Variants in FGGY observed in about 807,000 individuals in gnomAD.
FGGY encodes FGGY carbohydrate kinase domain-containing protein.
In FGGY, 72 loss-of-function variants were observed where a neutral mutation model predicts 71.3. The ratio of observed to expected loss-of-function variants is 1.01; its 90% CI spans 0.84 to 1.23. The LOEUF (loss-of-function observed/expected upper bound fraction) is 1.23. FGGY is among the 50% of genes most tolerant of loss of function. The probability of loss-of-function intolerance (pLI) is 0.00; values close to 1 mark genes in which losing one functional copy is unlikely to be tolerated. For synonymous variants in FGGY, 251 were observed against 250.3 expected, an observed-to-expected ratio of 1.00 and a Z score of -0.02; for missense variants, 668 against 682.3, an observed-to-expected ratio of 0.98 and a Z score of 0.23.
chr1:59,344,537 A>G (rs1467291425), intron 3 of FGGY, among the ~76,000 whole-genome samples: 3 of 152,106 alleles, frequency 2.0e-5, no homozygotes, highest in Admixed American at 2.0e-4. Context: ...TGCTTTTACT[A>G]CATATGTGTA....
At chr1:59,321,301 C>T (rs111837909) in intron 1 of FGGY, among the ~76,000 whole-genome samples, 1 of 152,222 alleles carries the variant, frequency 6.6e-6, no homozygotes, top group Admixed American at 6.5e-5. Context: ...AATCCTGACT[C>T]TCTCTCAAGA....
intron 8 of FGGY, among the ~76,000 whole-genome samples, chr1:59,604,724 G>A (rs986333318): frequency 3.9e-5 from 6 of 152,168 alleles, no homozygotes; most frequent in African/African-American, 1.4e-4. Flanking sequence ...GGTCATCCAT[G>A]TACTAACCAT....
intron 8 of FGGY, among the ~76,000 whole-genome samples, chr1:59,599,848 A>G (rs12757929): frequency 0.1 from 15,773 of 152,170 alleles, 982 homozygotes; most frequent in South Asian, 0.3. Context: ...GGCCTAGCTT[A>G]TGATGGGCTT....
intron 5 of FGGY, among the ~76,000 whole-genome samples, chr1:59,442,865 G>A (rs998299673): frequency 1.3e-5 from 2 of 152,168 alleles, no homozygotes; most frequent in Non-Finnish European, 2.9e-5. Context: ...GAAAAGAGTG[G>A]CATCATTTCT....
intron 7 of FGGY, among the ~76,000 whole-genome samples, chr1:59,541,628 A>G (rs1434999069): frequency 1.3e-5 from 2 of 152,340 alleles, no homozygotes; most frequent in East Asian, 1.9e-4. Flanking sequence ...TTTAAAAGTC[A>G]TTTTAAAATT....
chr1:59,513,832 G>A (rs1438200260), intron 7 of FGGY, among the ~76,000 whole-genome samples: 1 of 152,168 alleles, frequency 6.6e-6, no homozygotes, highest in Admixed American at 6.5e-5. Context: ...TTATGCAACG[G>A]ATTATTAAAT....
intron 7 of FGGY, among the ~76,000 whole-genome samples, chr1:59,543,170 A>G (rs1445644165): frequency 6.6e-6 from 1 of 152,170 alleles, no homozygotes; most frequent in African/African-American, 2.4e-5. Context: ...TGTCAGCCAC[A>G]TGTCATTCAT....
intron 11 of FGGY, among the ~76,000 whole-genome samples, chr1:59,650,601 C>T (rs1370965242): frequency 9.5e-6 from 1 of 105,496 alleles, no homozygotes; most frequent in Non-Finnish European, 1.8e-5. Flanking sequence ...GTGATATCCC[C>T]TTTATCATTT....
chr1:59,723,944 CAT>C (rs1442206627), intron 14 of FGGY, among the ~76,000 whole-genome samples: 6 of 150,164 alleles, frequency 4.0e-5, no homozygotes, highest in African/African-American at 7.3e-5. Flanking sequence ...AGGCAGATCA[CAT>C]GAGGTCAGGA....
intron 8 of FGGY, among the ~76,000 whole-genome samples, chr1:59,590,082 G>A (rs866398040): frequency 1.6e-4 from 25 of 151,798 alleles, no homozygotes; most frequent in African/African-American, 3.9e-4. Flanking sequence ...TCAAATAGAC[G>A]CAATAAAAAA....
intron 11 of FGGY, among the ~76,000 whole-genome samples, chr1:59,656,212 A>G (rs1028169796): frequency 6.6e-6 from 1 of 152,194 alleles, no homozygotes; most frequent in South Asian, 2.1e-4. Context: ...AAACATTCAA[A>G]ATAGGCACAG....
Position 59,667,494 on chromosome 1 carries a change from A to G in FGGY, c.1417+91A>G, listed in dbSNP as rs1377812379. On this transcript the variant is annotated intron_variant, in intron 13 of 15. Coordinates refer to ENST00000303721, the MANE Select transcript of FGGY (RefSeq NM_018291.5). ...CTGGGTGAAGTGAGAATAGGAGGATATATGCGGTATGCCAGATTATTAGAA... is the reference window on the plus strand; with the variant it reads ...CTGGGTGAAGTGAGAATAGGAGGATGTATGCGGTATGCCAGATTATTAGAA... The G allele has an allele frequency of 3.9e-5, 55 of 1,425,916 alleles. 1 individual carries two copies. Among genetic ancestry groups the G allele is most frequent in the Admixed American group, 1.6e-4 (8 of 49,858 alleles). 88.3% of individuals were successfully genotyped at this position (1,425,916 alleles called of 1,614,324 possible).
At chr1:59,572,349 A>G (rs1183683608) in intron 8 of FGGY, among the ~76,000 whole-genome samples, 2 of 152,122 alleles carry the variant, frequency 1.3e-5, no homozygotes, top group African/African-American at 4.8e-5. Flanking sequence ...GAATAAGCAG[A>G]AGGAAATTGG....
At chr1:59,616,012 A>G (rs1303290991) in intron 9 of FGGY, among the ~76,000 whole-genome samples, 1 of 151,066 alleles carries the variant, frequency 6.6e-6, no homozygotes, top group East Asian at 2.0e-4. Context: ...TGCTGGAGAA[A>G]TAGGAACACT....
chr1:59,724,516 T>C (rs2097924136), intron 14 of FGGY, among the ~76,000 whole-genome samples: 1 of 151,838 alleles, frequency 6.6e-6, no homozygotes, highest in African/African-American at 2.4e-5. Flanking sequence ...GTGTTTTACC[T>C]CTTTAACTTT....
intron 12 of FGGY, among the ~76,000 whole-genome samples, chr1:59,663,197 A>G (rs1021144621): frequency 2.6e-5 from 4 of 152,212 alleles, no homozygotes; most frequent in African/African-American, 9.6e-5. Flanking sequence ...TTCTCATTTT[A>G]CAGACAAGGG....
intron 7 of FGGY, among the ~76,000 whole-genome samples, 181 bp downstream of exon 7, chr1:59,512,620 T>A (rs1368879015): frequency 6.6e-6 from 1 of 152,228 alleles, no homozygotes; most frequent in Non-Finnish European, 1.5e-5. Flanking sequence ...TTTTCATTAA[T>A]GATAAAATTT....
intron 9 of FGGY, among the ~76,000 whole-genome samples, chr1:59,609,407 C>T (rs928162648): frequency 1.3e-5 from 2 of 152,168 alleles, no homozygotes; most frequent in African/African-American, 4.8e-5. Context: ...GGGTAAAGGC[C>T]TGAGGACACA....
At chr1:59,437,089 C>CAT (rs1310924200) in intron 5 of FGGY, among the ~76,000 whole-genome samples, 1 of 152,236 alleles carries the variant, frequency 6.6e-6, no homozygotes, top group Non-Finnish European at 1.5e-5. Context: ...CCTTATCCTT[C>CAT]ATACCTGGTC....
Sources: allele counts gnomAD v4.1 joint callset (sites outside exome capture counted in the v4.1 genomes callset), GRCh38; gene constraint gnomAD v4.1.1; transcripts MANE v1.5; gene names NCBI Gene and HGNC (gene_info 2026-07-23, HGNC 2026-07-21).